Variants in CELSR1 observed in about 807,000 individuals in gnomAD.
CELSR1 encodes the protein cadherin EGF LAG seven-pass G-type receptor 1.
CELSR1 carries 110 observed loss-of-function variants against 249.1 expected under a neutral mutation model. That is an observed-to-expected ratio of 0.44 (90% CI 0.38 to 0.52). The LOEUF (loss-of-function observed/expected upper bound fraction) is 0.52. Ranked by LOEUF, CELSR1 falls within the 20% of genes least tolerant of loss-of-function variation. The pLI is 0.00. For synonymous variants in CELSR1, 2,113 were observed against 1,900.0 expected, an observed-to-expected ratio of 1.11 and a Z score of -2.92; for missense variants, 4,109 against 4,296.4, an observed-to-expected ratio of 0.96 and a Z score of 1.22.
chr22:46,474,909 A>C (rs2080192815), intron 1 of CELSR1, among the ~76,000 whole-genome samples: 1 of 151,318 alleles, frequency 6.6e-6, no homozygotes, highest in Non-Finnish European at 1.5e-5. Context: ...TAAGAACAGC[A>C]AGCCGCTTCT....
intron 1 of CELSR1, 111 bp downstream of exon 1, chr22:46,533,516 C>G (rs1359386089): frequency 7.0e-7 from 1 of 1,437,344 alleles, no homozygotes; most frequent in Non-Finnish European, 9.2e-7. Flanking sequence ...CAGAGTTGCC[C>G]GGGCCCGGCC....
intron 19 of CELSR1, among the ~76,000 whole-genome samples, chr22:46,385,771 G>A (rs1042106716): frequency 1.3e-5 from 2 of 148,626 alleles, no homozygotes; most frequent in East Asian, 2.0e-4. Context: ...TCCGCTTCCC[G>A]GGTTCACGCC....
At chr22:46,478,154 C>A (rs1234686013) in intron 1 of CELSR1, among the ~76,000 whole-genome samples, 3 of 152,222 alleles carry the variant, frequency 2.0e-5, no homozygotes, top group Admixed American at 6.5e-5. Flanking sequence ...GAGCTCAGGG[C>A]TCCTTGGCTC....
intron 19 of CELSR1, among the ~76,000 whole-genome samples, chr22:46,386,130 T>G (rs1024166868): frequency 6.6e-6 from 1 of 151,958 alleles, no homozygotes; most frequent in African/African-American, 2.4e-5. Flanking sequence ...CCACCACACC[T>G]GGCTACTTTT....
In CELSR1 at chr22:46,490,864, T is replaced by C. The variant is rs2080360730; in HGVS notation, c.3545-26519A>G. 6.6e-6 allele frequency among the ~76,000 whole-genome samples: 1 copy of C among 152,100 alleles called. No homozygotes were observed. The highest frequency in any genetic ancestry group is 2.4e-5 in the African/African-American group (1 of 41,404). Reference sequence around the variant, plus strand: ...ACCCTGATCCTCCAGGCAGTCCAAATGGCCAGGTGTCATTTTCGCTGCTCT... The same window carrying C: ...ACCCTGATCCTCCAGGCAGTCCAAACGGCCAGGTGTCATTTTCGCTGCTCT... On this transcript the variant is annotated intron_variant, in intron 1 of 34. Coordinates refer to ENST00000674500, the MANE Select transcript of CELSR1 (RefSeq NM_001378328.1). This position sits in a 1 kb window ranked among gnomAD's most constrained non-coding sequence, Gnocchi z 5.2.
intron 2 of CELSR1, among the ~76,000 whole-genome samples, chr22:46,443,046 C>T (rs1040608988): frequency 6.6e-6 from 1 of 151,496 alleles, no homozygotes; most frequent in African/African-American, 2.4e-5. Context: ...TGCAGTGAGC[C>T]GAGATCGCAC....
Position 46,463,693 on chromosome 22 carries a change from GCCCGGGCACCTACCAGTGAAGT to G in CELSR1, c.4175_4183+13del. The G allele has an allele frequency of 1.3e-6, 2 of 1,508,012 alleles. No individual in the cohort carries two copies. The highest frequency in any genetic ancestry group is 1.8e-6 in the Non-Finnish European group (2 of 1,130,192). 93.4% of individuals were successfully genotyped at this position (1,508,012 alleles called of 1,614,324 possible). A position where few individuals can be genotyped will look rare whatever the true frequency, so the allele number is the denominator to read the frequency against. On this transcript the variant is annotated splice_donor_variant and splice_donor_5th_base_variant and coding_sequence_variant and intron_variant, in exon 2 of 35. Transcript: ENST00000674500. LOFTEE classifies it high-confidence loss of function. ...GGACATGTACACAAAGCCAGGGTGA[GCCCGGGCACCTACCAGTGAAGT>G]CCTCGAAGCACTCGCAGGTGTAGCC... is the stretch of plus-strand genomic sequence containing the variant.
At position 46,409,968 on chromosome 22, in the gene CELSR1, G is replaced by A; in HGVS notation, c.4934-88C>T. 1 of 1,555,250 alleles carries A rather than the reference G, an allele frequency of 6.4e-7. No homozygotes were observed. The highest frequency in any genetic ancestry group is 1.7e-4 in the Middle Eastern group (1 of 5,776). On this transcript the variant is annotated intron_variant, in intron 7 of 34. Coordinates refer to ENST00000674500, the MANE Select transcript of CELSR1 (RefSeq NM_001378328.1). This position sits in a 1 kb window ranked among gnomAD's most constrained non-coding sequence, Gnocchi z 9.8. ...AGACGTGGCGTGGGAAACCAGGACGGAATGGACCCGGGGCTGGACAGAAGT... is the reference window on the plus strand; with the variant it reads ...AGACGTGGCGTGGGAAACCAGGACGAAATGGACCCGGGGCTGGACAGAAGT...
At chr22:46,499,767 C>G (rs1191614978) in intron 1 of CELSR1, among the ~76,000 whole-genome samples, 4 of 152,146 alleles carry the variant, frequency 2.6e-5, no homozygotes, top group Non-Finnish European at 1.5e-5. Flanking sequence ...CATCTCCCAG[C>G]ATCCTCTGCT....
chr22:46,423,754 C>G lies in CELSR1; in HGVS notation c.4611+9639G>C, dbSNP rs904110681. Among the ~76,000 whole-genome samples, 3 of 152,024 alleles carry G rather than the reference C, an allele frequency of 2.0e-5. No homozygotes were observed. The highest frequency in any genetic ancestry group is 4.4e-5 in the Non-Finnish European group (3 of 68,022). ...TGGGAGGCTGAGGCAGTTGGATCAC[C>G]TGAGGTCAGGAGTTCGAGACCAGCC... On this transcript the variant is annotated intron_variant, in intron 5 of 34. Coordinates refer to ENST00000674500, the MANE Select transcript of CELSR1 (RefSeq NM_001378328.1). The surrounding 1 kb of genome is among the most constrained non-coding windows in gnomAD (Gnocchi z 5.6).
chr22:46,369,147 A>G (rs778380682), intron 27 of CELSR1, 32 bp downstream of exon 27: 1 of 1,605,026 alleles, frequency 6.2e-7, no homozygotes, highest in Non-Finnish European at 8.5e-7. Context: ...CCCAGCCGAC[A>G]TGGCTGGCCG....
intron 1 of CELSR1, among the ~76,000 whole-genome samples, chr22:46,519,825 T>C (rs1463772867): frequency 1.3e-5 from 2 of 151,508 alleles, no homozygotes; most frequent in Admixed American, 6.6e-5. Context: ...AGAGATTTGA[T>C]CCATGTACCA....
rs111680633 is a variant in CELSR1, at chr22:46,401,309, A to G, written c.5227-1407T>C. On this transcript the variant is annotated intron_variant, in intron 9 of 34. Transcript: ENST00000674500. The surrounding 1 kb of genome is among the most constrained non-coding windows in gnomAD (Gnocchi z 4.7). ...GCGTGAAAATCTTAGATCTCCTAAGAAAGGACTTGGCAATTTGGACCACCT... is the reference window on the plus strand; with the variant it reads ...GCGTGAAAATCTTAGATCTCCTAAGGAAGGACTTGGCAATTTGGACCACCT... 2.7e-3 allele frequency among the ~76,000 whole-genome samples: 407 copies of G among 152,348 alleles called. 2 individuals are homozygous for G. Among genetic ancestry groups the G allele is most frequent in the African/African-American group, 8.9e-3 (372 of 41,580 alleles).
At position 46,395,791 on chromosome 22, in the gene CELSR1, A is replaced by G. The variant is rs1257683599; in HGVS notation, c.5843+814T>C. Among the ~76,000 whole-genome samples, 1 of 152,164 alleles carries G rather than the reference A, an allele frequency of 6.6e-6. No individual in the cohort carries two copies. The highest frequency in any genetic ancestry group is 2.4e-5 in the African/African-American group (1 of 41,454). On this transcript the variant is annotated intron_variant, in intron 13 of 34. Coordinates refer to ENST00000674500, the MANE Select transcript of CELSR1 (RefSeq NM_001378328.1). The surrounding 1 kb of genome is among the most constrained non-coding windows in gnomAD (Gnocchi z 5.5). ...CGGCCTGGAACCTTGGTTTATGAAG[A>G]ACCCAGCAGCTCCACCTTGGACAAA...
Position 46,408,967 on chromosome 22 carries a change from G to T in CELSR1, c.5226+29C>A. ...CCTCCCTCGGGCACCCACCTAGCAG[G>T]TGCCTTGGTGGCACGGGGCCCCAGT... On this transcript the variant is annotated intron_variant, in intron 9 of 34. Coordinates refer to ENST00000674500, the MANE Select transcript of CELSR1 (RefSeq NM_001378328.1). The surrounding 1 kb of genome is among the most constrained non-coding windows in gnomAD (Gnocchi z 4.6). 1 of 1,572,696 alleles carries T rather than the reference G, an allele frequency of 6.4e-7. No homozygotes were observed. Among genetic ancestry groups the T allele is most frequent in the Non-Finnish European group, 8.6e-7 (1 of 1,160,784 alleles).
At position 46,396,659 on chromosome 22, in the gene CELSR1, T is replaced by C. The variant is rs1205728940; in HGVS notation, c.5789A>G (p.Gln1930Arg). 4.3e-6 allele frequency: 7 copies of C among 1,612,292 alleles called. No individual in the cohort carries two copies. Among genetic ancestry groups the C allele is most frequent in the Non-Finnish European group, 5.9e-6 (7 of 1,179,248 alleles). The change falls in exon 13 of 35, where the codon CAG (glutamine) becomes CGG (arginine). Residue 1930 changes from glutamine to arginine, a missense_variant. By Grantham distance (43) the Gln-to-Arg change is conservative. This residue lies in a region of CELSR1 where 1,805 missense variants were observed against 1,831.6 expected (regional missense o/e 0.99). Transcript: ENST00000674500. The surrounding 1 kb of genome is among the most constrained non-coding windows in gnomAD (Gnocchi z 6.4). ...GACVRSPGSPQGYVCECGPSH... is the reference protein window; with the variant it reads ...GACVRSPGSPRGYVCECGPSH... ...GGGCCCACACTCGCACACGTAGCCC[T>C]GCGGGGAGCCGGGGGAGCGCACGCA...
intron 1 of CELSR1, among the ~76,000 whole-genome samples, chr22:46,529,597 G>A (rs183911194): frequency 3.7e-4 from 57 of 152,092 alleles, no homozygotes; most frequent in African/African-American, 1.3e-3. Flanking sequence ...GAGGTCAGGA[G>A]TTCGAGACCA....
At position 46,384,586 on chromosome 22, in the gene CELSR1, G is replaced by A. The variant is rs374517535; in HGVS notation, c.6840C>T (p.Ser2280=). The change falls in exon 20 of 35, where the codon TCC becomes TCT. Residue 2280 remains serine (S), a synonymous_variant. Transcript: ENST00000674500. ...HEEFPRELES[S]VSFPADFFRP... is the part of the protein sequence containing the mutation. ...TGAAGAAGTCGGCTGGGAAGGAGAC[G>A]GAGGACTCCAGCTCCCTGGGGAACT... is the stretch of plus-strand genomic sequence containing the variant. The A allele has an allele frequency of 2.5e-5, 41 of 1,613,500 alleles. No homozygotes were observed. The African/African-American group carries it at 3.1e-4, about 12-fold the overall frequency.
intron 2 of CELSR1, among the ~76,000 whole-genome samples, chr22:46,456,650 G>C (rs12166446): frequency 8.3e-6 from 1 of 119,780 alleles, no homozygotes; most frequent in Non-Finnish European, 1.7e-5. Flanking sequence ...GCGACAGAGC[G>C]AGACTCTGTC....
Sources: allele counts gnomAD v4.1 joint callset (sites outside exome capture counted in the v4.1 genomes callset), GRCh38; gene constraint gnomAD v4.1.1; regional missense constraint gnomAD v4.1.1; non-coding constraint Gnocchi (gnomAD v3.1); transcripts MANE v1.5; gene names NCBI Gene and HGNC (gene_info 2026-07-23, HGNC 2026-07-21).